LIPI: variants seen among roughly 807,000 people sequenced by gnomAD.
LIPI encodes lipase member I.
LIPI carries 59 observed loss-of-function variants against 50.6 expected under a neutral mutation model. That is an observed-to-expected ratio of 1.16 (90% CI 0.94 to 1.45). LIPI has a LOEUF of 1.45. Ranked by LOEUF, LIPI falls within the 40% of genes most tolerant of loss-of-function variation. The probability of loss-of-function intolerance (pLI) is 0.00; values close to 1 mark genes in which losing one functional copy is unlikely to be tolerated. For missense variants in LIPI, 586 were observed against 536.3 expected (o/e 1.09, Z -0.92); for synonymous variants, 203 against 178.2 (o/e 1.14, Z -1.11).
intron 9 of LIPI, among the ~76,000 whole-genome samples, chr21:14,125,851 G>A (rs1369147959): frequency 6.6e-6 from 1 of 152,036 alleles, no homozygotes; most frequent in African/African-American, 2.4e-5. Flanking sequence ...CACCGCGCCA[G>A]GCCAAGATGA....
intron 9 of LIPI, among the ~76,000 whole-genome samples, chr21:14,121,995 A>T (rs1367889910): frequency 6.6e-6 from 1 of 152,224 alleles, no homozygotes; most frequent in Non-Finnish European, 1.5e-5. Flanking sequence ...AGATAAGTAA[A>T]TGTGGATTAA....
chr21:14,121,233 T>C (rs1017362554), intron 9 of LIPI, among the ~76,000 whole-genome samples: 1 of 152,170 alleles, frequency 6.6e-6, no homozygotes. Context: ...TCAGATCTTA[T>C]AGATTAAATG....
chr21:14,174,900 T>C (rs1045989356), intron 4 of LIPI, among the ~76,000 whole-genome samples: 2 of 152,240 alleles, frequency 1.3e-5, no homozygotes, highest in African/African-American at 2.4e-5. Flanking sequence ...CCCTATAGTT[T>C]AGATTTCACC....
chr21:14,171,201 C>T (rs995775176), intron 4 of LIPI, among the ~76,000 whole-genome samples: 54 of 150,964 alleles, frequency 3.6e-4, no homozygotes, highest in Admixed American at 1.1e-3. Flanking sequence ...AACCACTGCT[C>T]AATGAAATAA....
At chr21:14,197,094 A>C (rs1182858440) in intron 1 of LIPI, among the ~76,000 whole-genome samples, 1 of 151,782 alleles carries the variant, frequency 6.6e-6, no homozygotes, top group Non-Finnish European at 1.5e-5. Context: ...CCATACAACA[A>C]TCTAATGGCA....
chr21:14,122,162 C>G (rs936621526), intron 9 of LIPI, among the ~76,000 whole-genome samples: 2 of 152,064 alleles, frequency 1.3e-5, no homozygotes, highest in African/African-American at 4.8e-5. Flanking sequence ...GGGAGGAAAC[C>G]AAGATAATTG....
rs1432367876 is a variant in LIPI at position 14,183,305 on chromosome 21, A to C, written c.542-1446T>G. 4.6e-5 allele frequency among the ~76,000 whole-genome samples: 7 copies of C among 152,162 alleles called. No individual in the cohort carries two copies. The South Asian group carries it at 1.2e-3, about 27-fold the overall frequency. On this transcript the variant is annotated intron_variant, in intron 3 of 9. Transcript: ENST00000681601. ...AGCTGAAACTGGATCCCTTCCTTAC[A>C]CCTTATACAAAAATTAATTCAAGAT...
intron 9 of LIPI, among the ~76,000 whole-genome samples, chr21:14,134,639 A>T (rs772092345): frequency 2.6e-5 from 4 of 152,170 alleles, no homozygotes; most frequent in Non-Finnish European, 5.9e-5. Context: ...ATAAAGCCAT[A>T]CCCTACAACC....
intron 1 of LIPI, among the ~76,000 whole-genome samples, chr21:14,200,372 G>C (rs371480342): frequency 1.6e-4 from 25 of 151,896 alleles, no homozygotes; most frequent in African/African-American, 5.3e-4. Flanking sequence ...CTGCCCAAAT[G>C]CCTCTTAAAT....
intron 1 of LIPI, among the ~76,000 whole-genome samples, chr21:14,192,317 T>C (rs1308381142): frequency 6.6e-6 from 1 of 151,910 alleles, no homozygotes; most frequent in Non-Finnish European, 1.5e-5. Flanking sequence ...ATACAAAAAT[T>C]AGCTGGGTGT....
intron 3 of LIPI, among the ~76,000 whole-genome samples, chr21:14,184,387 T>A (rs1015266115): frequency 2.0e-5 from 3 of 151,996 alleles, no homozygotes; most frequent in African/African-American, 7.3e-5. Context: ...AATGATGAGT[T>A]AATGGGTGCA....
intron 4 of LIPI, among the ~76,000 whole-genome samples, chr21:14,172,813 A>T (rs1600896700): frequency 1.3e-5 from 2 of 152,180 alleles, no homozygotes; most frequent in Admixed American, 6.5e-5. Context: ...ACATGTATAC[A>T]TATGTAACTA....
At position 14,108,948 on chromosome 21, in the gene LIPI, A is replaced by G; in HGVS notation, c.*45T>C. 6.2e-7 allele frequency: 1 copy of G among 1,607,638 alleles called. No homozygotes were observed. The highest frequency in any genetic ancestry group is 8.5e-7 in the Non-Finnish European group (1 of 1,175,036). Reference sequence around the variant, plus strand: ...GACTGATTGCATTGTTTCATTTACAAGTCCATTAATTCACAAGCAAGTGCA... The same window carrying G: ...GACTGATTGCATTGTTTCATTTACAGGTCCATTAATTCACAAGCAAGTGCA... On this transcript the variant is annotated 3_prime_UTR_variant, in exon 10 of 10. Transcript: ENST00000681601.
At chr21:14,176,244 T>C (rs890143338) in intron 4 of LIPI, among the ~76,000 whole-genome samples, 2 of 151,952 alleles carry the variant, frequency 1.3e-5, no homozygotes, top group African/African-American at 4.8e-5. Flanking sequence ...TTTTTATCTT[T>C]TCTAAAGTGC....
rs79090996 is a variant in LIPI, at chr21:14,195,786, G to A, written c.47-6367C>T. The stretch of plus-strand genomic sequence containing the variant: ...AATAAGAAAATTCAATGTTTCAATC[G>A]GCAAAAGAATTAAAGACATTTTACA... On this transcript the variant is annotated intron_variant, in intron 1 of 9. Coordinates refer to ENST00000681601, the MANE Select transcript of LIPI (RefSeq NM_001302998.2). Among the ~76,000 whole-genome samples the A allele has an allele frequency of 1.2e-3, 177 of 151,972 alleles. 3 individuals carry two copies. The East Asian group carries it at 0.026, about 22-fold the overall frequency.
At chr21:14,194,658 G>T (rs1373164129) in intron 1 of LIPI, among the ~76,000 whole-genome samples, 3 of 152,006 alleles carry the variant, frequency 2.0e-5, no homozygotes, top group African/African-American at 7.2e-5. Flanking sequence ...GGGGAAATGA[G>T]GAGTTATATT....
At chr21:14,191,909 T>G (rs561673404) in intron 1 of LIPI, among the ~76,000 whole-genome samples, 24 of 152,224 alleles carry the variant, frequency 1.6e-4, no homozygotes, top group African/African-American at 4.3e-4. Context: ...CAGTGCAAAG[T>G]CCTCCAATGT....
intron 1 of LIPI, among the ~76,000 whole-genome samples, chr21:14,205,557 C>G (rs1467633241): frequency 6.6e-6 from 1 of 150,546 alleles, no homozygotes; most frequent in African/African-American, 2.4e-5. Flanking sequence ...CCTCCCCCCA[C>G]ACACACATCT....
intron 7 of LIPI, among the ~76,000 whole-genome samples, chr21:14,154,488 A>G (rs1568853559): frequency 6.6e-6 from 1 of 152,094 alleles, no homozygotes; most frequent in Non-Finnish European, 1.5e-5. Flanking sequence ...GAAGGAGGGA[A>G]TAAGACAAAA....
Sources: gnomAD v4.1 joint callset for allele counts (sites outside exome capture counted in the v4.1 genomes callset) on GRCh38, gnomAD v4.1.1 for gene constraint, MANE v1.5 for transcripts, NCBI Gene and HGNC (gene_info 2026-07-23, HGNC 2026-07-21) for gene names.